The following S100A12 variants were observed in gnomAD, a reference collection of about 807,000 sequenced individuals.
S100A12 encodes protein S100-A12.
A neutral mutation model predicts 4.0 loss-of-function variants in S100A12; 3 were observed. The ratio of observed to expected loss-of-function variants is 0.75; its 90% confidence interval spans 0.34 to 1.94. The LOEUF is 1.94. S100A12 is among the 30% of genes most tolerant of loss of function. S100A12 has a pLI of 0.07. For synonymous variants in S100A12, 50 were observed against 41.4 expected (o/e 1.21, Z -0.79); for missense variants, 122 against 107.0 (o/e 1.14, Z -0.62).
Position 153,373,822 on chromosome 1 carries a change from G to T in S100A12, c.*5C>A. 6.2e-7 allele frequency: 1 copy of T among 1,612,994 alleles called. No individual in the cohort carries two copies. The highest frequency in any genetic ancestry group is 8.5e-7 in the Non-Finnish European group (1 of 1,178,900). ...TTGCTGGGTAAAAAGCCTTCAGAGA[G>T]CTACCTACTCTTTGTGGGTGTGGTA... On this transcript the variant is annotated 3_prime_UTR_variant, in exon 3 of 3. Transcript: ENST00000368737.
intron 1 of S100A12, among the ~76,000 whole-genome samples, chr1:153,375,291 G>A (rs372247364): frequency 9.9e-5 from 15 of 151,922 alleles, no homozygotes; most frequent in African/African-American, 2.2e-4. Context: ...CTCATGATCC[G>A]CCCGCCTCGG....
chr1:153,374,268 C>A (rs1321192495), intron 2 of S100A12, among the ~76,000 whole-genome samples, 187 bp downstream of exon 2: 1 of 152,158 alleles, frequency 6.6e-6, no homozygotes, highest in African/African-American at 2.4e-5. Flanking sequence ...CTGAGTAGAG[C>A]CTTAAGTGAG....
At chr1:153,374,406 C>T (rs774283824) in intron 2 of S100A12, 49 bp downstream of exon 2, 25 of 1,573,364 alleles carry the variant, frequency 1.6e-5, no homozygotes, top group Non-Finnish European at 1.8e-5. Context: ...TGCCACTCCC[C>T]TCAGTGCAGG....
At chr1:153,375,343 C>T (rs1187062662) in intron 1 of S100A12, among the ~76,000 whole-genome samples, 6 of 152,102 alleles carry the variant, frequency 3.9e-5, no homozygotes, top group Non-Finnish European at 8.8e-5. Flanking sequence ...CCACCGTACC[C>T]GGCCTGCTTA....
At position 153,374,484 on chromosome 1, in the gene S100A12, G is replaced by A; in HGVS notation, c.109C>T (p.Leu37Phe). The stretch of plus-strand genomic sequence containing the variant: ...ATGGTGTTTGCAAGCTCCTTTGTAA[G>A]CAGCTGCTTCAGCTCACCCTTAGAG... Reference protein sequence around the residue: ...TLSKGELKQLLTKELANTIKN... With the variant: ...TLSKGELKQLFTKELANTIKN... The change falls in exon 2 of 3, where the codon CTT becomes TTT. Residue 37 changes from leucine (L) to phenylalanine (F), a missense_variant. Coordinates refer to ENST00000368737, the MANE Select transcript of S100A12 (RefSeq NM_005621.2). 2 of 1,614,064 alleles carry A rather than the reference G, an allele frequency of 1.2e-6. No homozygotes were observed. Among genetic ancestry groups the A allele is most frequent in the South Asian group, 1.1e-5 (1 of 91,078 alleles).
At position 153,373,755 on chromosome 1, in the gene S100A12, C is replaced by T; in HGVS notation, c.*72G>A. On this transcript the variant is annotated 3_prime_UTR_variant, in exon 3 of 3. Transcript: ENST00000368737. Reference sequence around the variant, plus strand: ...TAACTCTTACTCCCCACGGGCAAGGCTGGGTTTTGGTGAGGGAAAGAAAAG... The same window carrying T: ...TAACTCTTACTCCCCACGGGCAAGGTTGGGTTTTGGTGAGGGAAAGAAAAG... 7.6e-7 allele frequency: 1 copy of T among 1,315,214 alleles called. No homozygotes were observed. The highest frequency in any genetic ancestry group is 1.9e-4 in the Middle Eastern group (1 of 5,380). 81.5% of individuals were successfully genotyped at this position (1,315,214 alleles called of 1,614,324 possible).
At chr1:153,375,085 C>T (rs1367220650) in intron 1 of S100A12, among the ~76,000 whole-genome samples, 2 of 152,096 alleles carry the variant, frequency 1.3e-5, no homozygotes, top group African/African-American at 4.8e-5. Context: ...CTCACTCTGC[C>T]GCCCAGGCTG....
Position 153,374,535 on chromosome 1 carries a change from C to T in S100A12, c.58G>A (p.Val20Ile). Reference sequence around the variant, plus strand: ...AGGGTGTCAAAATGCCCCTTCCGAACTGAGTATTGGTGGAAGATATTGACA... The same window carrying T: ...AGGGTGTCAAAATGCCCCTTCCGAATTGAGTATTGGTGGAAGATATTGACA... ...GIVNIFHQYS[V>I]RKGHFDTLSK... is the part of the protein sequence containing the mutation. Residue 20 changes from valine (V) to isoleucine (I), a missense_variant, in exon 2 of 3, where the codon GTT becomes ATT. By Grantham distance (29) the Val-to-Ile change is conservative. Coordinates refer to ENST00000368737, the MANE Select transcript of S100A12 (RefSeq NM_005621.2). 1 of 1,613,974 alleles carries T rather than the reference C, an allele frequency of 6.2e-7. No homozygotes were observed. The highest frequency in any genetic ancestry group is 8.5e-7 in the Non-Finnish European group (1 of 1,179,808).
At chr1:153,374,723 T>G (rs777392267) in intron 1 of S100A12, 111 bp from the exon 2 acceptor site, 2 of 725,032 alleles carry the variant, frequency 2.8e-6, no homozygotes, top group Non-Finnish European at 4.7e-6. Context: ...ATCCTCCATA[T>G]CTATTTTGTG....
intron 1 of S100A12, 27 bp from the exon 2 acceptor site, chr1:153,374,639 G>A (rs550673353): frequency 1.3e-6 from 2 of 1,566,640 alleles, no homozygotes; most frequent in South Asian, 1.1e-5. Context: ...GAAGTCTAGA[G>A]GCAGTTTCTC....
intron 1 of S100A12, 64 bp from the exon 2 acceptor site, chr1:153,374,676 C>G: frequency 9.1e-7 from 1 of 1,104,716 alleles, no homozygotes; most frequent in Non-Finnish European, 1.3e-6. Context: ...CCACTCTCCC[C>G]TCTCTTTCTG....
intron 1 of S100A12, 148 bp downstream of exon 1, chr1:153,375,404 C>T (rs1326727543): frequency 6.6e-6 from 1 of 152,300 alleles, no homozygotes; most frequent in African/African-American, 2.4e-5. Flanking sequence ...AAGAGCTGAT[C>T]TACTTGGGTC....
rs1251319064 is a variant in S100A12 at position 153,374,490 on chromosome 1, G to T, written c.103C>A (p.Gln35Lys). Residue 35 changes from glutamine to lysine, a missense_variant, in exon 2 of 3, where the codon CAG becomes AAG. Physicochemically the swap from Gln to Lys is moderately conservative, Grantham distance 53. Coordinates refer to ENST00000368737, the MANE Select transcript of S100A12 (RefSeq NM_005621.2). ...FDTLSKGELK[Q>K]LLTKELANTI... ...TTTGCAAGCTCCTTTGTAAGCAGCT[G>T]CTTCAGCTCACCCTTAGAGAGGGTG... 1 of 1,614,078 alleles carries T rather than the reference G, an allele frequency of 6.2e-7. No individual in the cohort carries two copies. The highest frequency in any genetic ancestry group is 1.7e-5 in the Admixed American group (1 of 60,008).
At chr1:153,375,017 T>TTTG (rs1056392781) in intron 1 of S100A12, among the ~76,000 whole-genome samples, 3 of 152,044 alleles carry the variant, frequency 2.0e-5, no homozygotes, top group East Asian at 1.9e-4. Context: ...CCATTCTTTT[T>TTTG]TTGTTGTTGT....
chr1:153,373,952 C>G lies in S100A12; in HGVS notation c.154G>C (p.Ala52Pro). The change falls in exon 3 of 3, where the codon GCT becomes CCT. Residue 52 changes from alanine to proline, a missense_variant. Physicochemically the swap from Ala to Pro is conservative, Grantham distance 27. Transcript: ENST00000368737. The stretch of plus-strand genomic sequence containing the variant: ...CCTTGGAATATTTCATCAATGACAG[C>G]TTTATCTTTGATATTCTAGGAAAAA... ...ANTIKNIKDK[A>P]VIDEIFQGLD... The G allele has an allele frequency of 6.2e-7, 1 of 1,613,658 alleles. No homozygotes were observed. Among genetic ancestry groups the G allele is most frequent in the Non-Finnish European group, 8.5e-7 (1 of 1,179,568 alleles).
Position 153,373,972 on chromosome 1 carries a change from G to A in S100A12, c.139-5C>T. The A allele has an allele frequency of 1.2e-6, 2 of 1,613,420 alleles. No homozygotes were observed. The highest frequency in any genetic ancestry group is 1.7e-6 in the Non-Finnish European group (2 of 1,179,468). The stretch of plus-strand genomic sequence containing the variant: ...GACAGCTTTATCTTTGATATTCTAG[G>A]AAAAAAGGACAACAGAGACCTTGAG... On this transcript the variant is annotated splice_region_variant and splice_polypyrimidine_tract_variant and intron_variant, in intron 2 of 2. Coordinates refer to ENST00000368737, the MANE Select transcript of S100A12 (RefSeq NM_005621.2).
chr1:153,373,828 T>A lies in S100A12; in HGVS notation c.278A>T (p.Ter93LeuextTer4). ...KAAHYHTHKE[*>L] is the part of the protein sequence containing the mutation. ...GGTAAAAAGCCTTCAGAGAGCTACC[T>A]ACTCTTTGTGGGTGTGGTAATGGGC... The change falls in exon 3 of 3, where the codon TAG (stop) becomes TTG (leucine). Residue 93 changes from the stop codon to leucine, a stop_lost. Coordinates refer to ENST00000368737, the MANE Select transcript of S100A12 (RefSeq NM_005621.2). The A allele has an allele frequency of 6.2e-7, 1 of 1,613,572 alleles. No individual in the cohort carries two copies. The highest frequency in any genetic ancestry group is 1.1e-5 in the South Asian group (1 of 91,064).
At chr1:153,374,707 C>G (rs369593753) in intron 1 of S100A12, 95 bp from the exon 2 acceptor site, 2 of 793,612 alleles carry the variant, frequency 2.5e-6, no homozygotes, top group Middle Eastern at 2.4e-4. Flanking sequence ...CTAAAGAAAA[C>G]ATAACATCCT....
chr1:153,374,510 A>T lies in S100A12; in HGVS notation c.83T>A (p.Leu28His). 1.2e-6 allele frequency: 2 copies of T among 1,614,088 alleles called. No individual in the cohort carries two copies. Among genetic ancestry groups the T allele is most frequent in the Non-Finnish European group, 8.5e-7 (1 of 1,179,954 alleles). ...YSVRKGHFDT[L>H]SKGELKQLLT... ...CAGCTGCTTCAGCTCACCCTTAGAG[A>T]GGGTGTCAAAATGCCCCTTCCGAAC... The change falls in exon 2 of 3, where the codon CTC (leucine) becomes CAC (histidine). Residue 28 changes from leucine to histidine, a missense_variant. Coordinates refer to ENST00000368737, the MANE Select transcript of S100A12 (RefSeq NM_005621.2).
Sources: gnomAD v4.1 joint callset for allele counts (sites outside exome capture counted in the v4.1 genomes callset) on GRCh38, gnomAD v4.1.1 for gene constraint, MANE v1.5 for transcripts, NCBI Gene and HGNC (gene_info 2026-07-23, HGNC 2026-07-21) for gene names.